The following MARCHF1 variants were observed in gnomAD, a reference collection of about 807,000 sequenced individuals.
MARCHF1 encodes E3 ubiquitin-protein ligase MARCHF1.
MARCHF1 carries 40 observed loss-of-function variants against 54.2 expected under a neutral mutation model. The observed-to-expected ratio is 0.74, with a 90% confidence interval of 0.57 to 0.96. The LOEUF (loss-of-function observed/expected upper bound fraction) is 0.96. Ranked by LOEUF, MARCHF1 falls within the 40% of genes least tolerant of loss-of-function variation. MARCHF1 has a pLI of 0.00. For missense variants in MARCHF1, 586 were observed against 656.5 expected, an observed-to-expected ratio of 0.89 and a Z score of 1.17; for synonymous variants, 236 against 236.3, an observed-to-expected ratio of 1.00 and a Z score of 0.01.
intron 4 of MARCHF1, among the ~76,000 whole-genome samples, chr4:163,726,458 A>G (rs1400566362): frequency 1.3e-5 from 2 of 152,218 alleles, no homozygotes; most frequent in African/African-American, 2.4e-5. Flanking sequence ...ATCTTTTTTT[A>G]GGTCCTTAAT....
In MARCHF1 at chr4:164,225,413, T is replaced by C. The variant is rs1732224116; in HGVS notation, c.-322-113751A>G. 2.0e-5 allele frequency among the ~76,000 whole-genome samples: 3 copies of C among 152,098 alleles called. No individual in the cohort carries two copies. The South Asian group carries it at 6.2e-4, about 31-fold the overall frequency. On this transcript the variant is annotated intron_variant, in intron 1 of 9. Transcript: ENST00000514618. ...ATAACCTGATGTCCTGTGACAAGAC[T>C]GCTGTCTTCTAAAGGATTATTTTTT...
chr4:163,995,208 G>A (rs1419325452), intron 2 of MARCHF1, among the ~76,000 whole-genome samples: 1 of 152,022 alleles, frequency 6.6e-6, no homozygotes, highest in East Asian at 1.9e-4. Flanking sequence ...TTGCTAGAGA[G>A]GCTCACAGAA....
At chr4:163,549,997 T>C (rs1739046613) in intron 8 of MARCHF1, among the ~76,000 whole-genome samples, 1 of 152,126 alleles carries the variant, frequency 6.6e-6, no homozygotes, top group East Asian at 1.9e-4. Context: ...AACATAAAAA[T>C]GCAGGCCGGG....
rs148890713 is a variant in MARCHF1, at chr4:163,609,174, T to C, written c.1010+3097A>G. ...AAAACTATACACGCCCAACTGTGACTGCTCTTCTGCAGTTCAATAATATGT... is the reference window on the plus strand; with the variant it reads ...AAAACTATACACGCCCAACTGTGACCGCTCTTCTGCAGTTCAATAATATGT... On this transcript the variant is annotated intron_variant, in intron 7 of 9. Coordinates refer to ENST00000514618, the MANE Select transcript of MARCHF1 (RefSeq NM_001394959.1). Among the ~76,000 whole-genome samples the C allele has an allele frequency of 4.2e-4, 64 of 152,186 alleles. No homozygotes were observed. In the East Asian group the frequency reaches 0.012, roughly 28 times the overall value.
At chr4:164,196,717 G>A (rs1731270334) in intron 1 of MARCHF1, among the ~76,000 whole-genome samples, 1 of 152,090 alleles carries the variant, frequency 6.6e-6, no homozygotes, top group Non-Finnish European at 1.5e-5. Flanking sequence ...ATAATTAATA[G>A]TAATCATTCT....
intron 2 of MARCHF1, among the ~76,000 whole-genome samples, chr4:164,101,632 C>G (rs556273686): frequency 1.6e-5 from 2 of 127,500 alleles, no homozygotes; most frequent in Non-Finnish European, 3.4e-5. Flanking sequence ...TCATCAAAGA[C>G]CAAAAGTAGA....
intron 1 of MARCHF1, among the ~76,000 whole-genome samples, chr4:164,214,362 C>T (rs1731868862): frequency 6.6e-6 from 1 of 152,106 alleles, no homozygotes; most frequent in Non-Finnish European, 1.5e-5. Context: ...GTTGTACTTG[C>T]AAGTCTACAA....
chr4:164,288,876 C>T (rs945709086), intron 1 of MARCHF1, among the ~76,000 whole-genome samples: 2 of 152,018 alleles, frequency 1.3e-5, no homozygotes, highest in African/African-American at 2.4e-5. Flanking sequence ...AAGGTATATA[C>T]GTTTAGTTTC....
chr4:163,712,571 CTTGCGTCTTACTCCA>C (rs1745138325), intron 4 of MARCHF1, among the ~76,000 whole-genome samples: 1 of 152,172 alleles, frequency 6.6e-6, no homozygotes, highest in African/African-American at 2.4e-5. Flanking sequence ...GACTTCTCTT[CTTGCGTCTTACTCCA>C]TTATTCAACT....
At chr4:163,997,799 T>A (rs1753106149) in intron 2 of MARCHF1, among the ~76,000 whole-genome samples, 1 of 151,874 alleles carries the variant, frequency 6.6e-6, no homozygotes, top group African/African-American at 2.4e-5. Flanking sequence ...TTGTTCAATC[T>A]TATCAAAGAA....
chr4:164,303,315 G>A (rs1357317453), intron 1 of MARCHF1, among the ~76,000 whole-genome samples: 1 of 152,138 alleles, frequency 6.6e-6, no homozygotes, highest in Non-Finnish European at 1.5e-5. Flanking sequence ...CAAGAAAATT[G>A]ATTTTTCTCA....
intron 1 of MARCHF1, among the ~76,000 whole-genome samples, chr4:164,176,945 T>G (rs567136195): frequency 1.6e-3 from 23 of 14,748 alleles, no homozygotes; most frequent in Middle Eastern, 0.019. Flanking sequence ...TTGTGCGCTC[T>G]CTCTCTCTCT....
At chr4:164,276,821 C>T (rs776996206) in intron 1 of MARCHF1, among the ~76,000 whole-genome samples, 10 of 148,578 alleles carry the variant, frequency 6.7e-5, no homozygotes, top group Non-Finnish European at 1.5e-4. Flanking sequence ...TGAGACATTT[C>T]CCTAATCATT....
At chr4:163,757,325 G>A (rs1426347378) in intron 4 of MARCHF1, among the ~76,000 whole-genome samples, 2 of 152,114 alleles carry the variant, frequency 1.3e-5, no homozygotes, top group South Asian at 2.1e-4. Context: ...AAAAACCAGG[G>A]ACCTCACCCA....
At chr4:163,950,975 A>C (rs7695658) in intron 3 of MARCHF1, among the ~76,000 whole-genome samples, 18,410 of 152,230 alleles carry the variant, frequency 0.12, 2,447 homozygotes, top group East Asian at 0.37. Flanking sequence ...TTATTGCAAA[A>C]GCATGAAATG....
chr4:164,338,766 A>G (rs963966198), intron 1 of MARCHF1, among the ~76,000 whole-genome samples: 3 of 152,126 alleles, frequency 2.0e-5, no homozygotes, highest in Non-Finnish European at 4.4e-5. Flanking sequence ...TGAGGTTGGG[A>G]GTTTGAGACC....
intron 4 of MARCHF1, among the ~76,000 whole-genome samples, chr4:163,828,307 T>C (rs1325558824): frequency 6.6e-6 from 1 of 152,170 alleles, no homozygotes. Flanking sequence ...GAAAAACAAC[T>C]GTTTTTCAAC....
At chr4:163,748,324 G>A (rs959416721) in intron 4 of MARCHF1, among the ~76,000 whole-genome samples, 2 of 150,322 alleles carry the variant, frequency 1.3e-5, no homozygotes, top group African/African-American at 4.9e-5. Context: ...CTAGACAAGA[G>A]AATGAGGTAA....
intron 5 of MARCHF1, among the ~76,000 whole-genome samples, chr4:163,621,765 T>A (rs1218159595): frequency 2.6e-5 from 4 of 152,086 alleles, no homozygotes; most frequent in Non-Finnish European, 5.9e-5. Flanking sequence ...AGACTGAAAT[T>A]CCACTGCCTT....
Sources: allele counts gnomAD v4.1 joint callset (sites outside exome capture counted in the v4.1 genomes callset), GRCh38; gene constraint gnomAD v4.1.1; transcripts MANE v1.5; gene names NCBI Gene and HGNC (gene_info 2026-07-23, HGNC 2026-07-21).